Variants in ITGB8 observed in about 807,000 individuals in gnomAD.
ITGB8 encodes the protein integrin beta-8.
In ITGB8, 30 loss-of-function variants were observed where a neutral mutation model predicts 89.5. The ratio of observed to expected loss-of-function variants is 0.34; its 90% CI spans 0.25 to 0.45. The LOEUF is 0.45. ITGB8 is among the 20% of genes least tolerant of loss of function. The pLI, the probability that ITGB8 is intolerant of heterozygous loss-of-function variation, is 1.00. For synonymous variants in ITGB8, 335 were observed against 320.4 expected (o/e 1.05, Z -0.49); for missense variants, 836 against 933.3 (o/e 0.90, Z 1.36).
At chr7:20,365,003 A>G (rs936957516) in intron 2 of ITGB8, 6 of 152,214 alleles carry the variant, frequency 3.9e-5, no homozygotes, top group African/African-American at 1.4e-4. Context: ...AAGAGCCTTC[A>G]AAAGATAGTA....
At chr7:20,385,542 G>C (rs2127966623) in intron 6 of ITGB8, among the ~76,000 whole-genome samples, 1 of 152,274 alleles carries the variant, frequency 6.6e-6, no homozygotes, top group Non-Finnish European at 1.5e-5. Context: ...GAGTCGATCA[G>C]CATCTTATAG....
At chr7:20,345,973 A>G (rs970015645) in intron 1 of ITGB8, among the ~76,000 whole-genome samples, 2 of 152,174 alleles carry the variant, frequency 1.3e-5, no homozygotes, top group East Asian at 1.9e-4. Flanking sequence ...CAAGGAGGCA[A>G]CATTTTCTAA....
intron 5 of ITGB8, 168 bp downstream of exon 5, chr7:20,380,999 A>C (rs1392496041): frequency 5.3e-6 from 3 of 569,314 alleles, no homozygotes; most frequent in African/African-American, 1.9e-5. Context: ...TGTGTTTGGG[A>C]CAGAGGGGCT....
At chr7:20,388,480 G>A (rs914925530) in intron 6 of ITGB8, among the ~76,000 whole-genome samples, 9 of 152,048 alleles carry the variant, frequency 5.9e-5, no homozygotes, top group African/African-American at 2.2e-4. Flanking sequence ...TTAATCCACA[G>A]GTCTTCTGTC....
At chr7:20,381,937 A>G (rs753702724) in intron 6 of ITGB8, 52 bp downstream of exon 6, 25 of 1,477,584 alleles carry the variant, frequency 1.7e-5, no homozygotes, top group East Asian at 2.3e-5. Context: ...TTAAAGTACA[A>G]TTTTAAATTG....
chr7:20,334,451 G>A (rs1784510873), intron 1 of ITGB8, among the ~76,000 whole-genome samples: 1 of 151,940 alleles, frequency 6.6e-6, no homozygotes, highest in Admixed American at 6.6e-5. Flanking sequence ...TAAAAAAGCG[G>A]TAACTATTAT....
intron 1 of ITGB8, among the ~76,000 whole-genome samples, chr7:20,338,660 T>C (rs374667012): frequency 1.2e-3 from 183 of 152,014 alleles, no homozygotes; most frequent in African/African-American, 4.3e-3. Flanking sequence ...AACAAATAAA[T>C]ATTATTGAGC....
chr7:20,395,933 T>C (rs193168571), intron 8 of ITGB8, among the ~76,000 whole-genome samples: 67 of 152,370 alleles, frequency 4.4e-4, no homozygotes, highest in African/African-American at 1.6e-3. Context: ...TGTCAAAAGA[T>C]ATGCTTTATG....
intron 3 of ITGB8, 90 bp from the exon 4 acceptor site, chr7:20,378,961 C>A: frequency 2.3e-6 from 2 of 885,498 alleles, no homozygotes; most frequent in Non-Finnish European, 3.2e-6. Flanking sequence ...GATGATTGTG[C>A]TAGGTGCTAG....
Position 20,410,201 on chromosome 7 carries a change from C to G in ITGB8, c.*204C>G. 1 of 560,682 alleles carries G rather than the reference C, an allele frequency of 1.8e-6. No individual in the cohort carries two copies. Among genetic ancestry groups the G allele is most frequent in the Non-Finnish European group, 3.2e-6 (1 of 315,998 alleles). 34.7% of individuals were successfully genotyped at this position (560,682 alleles called of 1,614,324 possible). On this transcript the variant is annotated 3_prime_UTR_variant, in exon 14 of 14. Coordinates refer to ENST00000222573, the MANE Select transcript of ITGB8 (RefSeq NM_002214.3). ...CTTTTTCAGAGAAAAATGTGTCTTA[C>G]TACTGTTTGAGACTAGTGTCGTTGT...
chr7:20,397,228 CTTTT>C (rs11286671), intron 8 of ITGB8, among the ~76,000 whole-genome samples: 1 of 144,212 alleles, frequency 6.9e-6, no homozygotes, highest in Non-Finnish European at 1.5e-5. Flanking sequence ...CCTTTTCTTT[CTTTT>C]TTTTTTTTTT....
intron 1 of ITGB8, among the ~76,000 whole-genome samples, chr7:20,340,576 C>A (rs964954493): frequency 2.0e-5 from 3 of 152,116 alleles, no homozygotes; most frequent in Non-Finnish European, 4.4e-5. Context: ...CAAGATCTGC[C>A]GATAGTAAAT....
chr7:20,381,682 C>T, intron 5 of ITGB8, 45 bp from the exon 6 acceptor site: 1 of 1,466,744 alleles, frequency 6.8e-7, no homozygotes, highest in Non-Finnish European at 9.4e-7. Flanking sequence ...CCACAGTACA[C>T]ATCTGTGTTA....
intron 1 of ITGB8, 186 bp downstream of exon 1, chr7:20,332,119 C>T: frequency 7.9e-7 from 1 of 1,266,628 alleles, no homozygotes; most frequent in Non-Finnish European, 1.0e-6. Context: ...GCATTTCTGC[C>T]CTGGAGCGAC....
intron 1 of ITGB8, among the ~76,000 whole-genome samples, chr7:20,339,676 C>T (rs1241251968): frequency 6.6e-6 from 1 of 152,128 alleles, no homozygotes; most frequent in African/African-American, 2.4e-5. Flanking sequence ...CAGATATATA[C>T]TTTTAAGATG....
chr7:20,376,265 A>C (rs1358135468), intron 3 of ITGB8, among the ~76,000 whole-genome samples: 1 of 152,178 alleles, frequency 6.6e-6, no homozygotes, highest in African/African-American at 2.4e-5. Context: ...ACTGATGGGA[A>C]GTGGAGATTT....
At chr7:20,404,962 T>G in intron 11 of ITGB8, 109 bp downstream of exon 11, 1 of 886,788 alleles carries the variant, frequency 1.1e-6, no homozygotes, top group Non-Finnish European at 1.8e-6. Flanking sequence ...ACCACCATGC[T>G]AAAAAAGAAT....
At chr7:20,370,653 C>T (rs1432342669) in intron 3 of ITGB8, among the ~76,000 whole-genome samples, 1 of 151,188 alleles carries the variant, frequency 6.6e-6, no homozygotes, top group African/African-American at 2.4e-5. Flanking sequence ...CTCTGTCACC[C>T]AGGCTGGAAT....
chr7:20,362,210 T>G (rs1010454349), intron 1 of ITGB8, among the ~76,000 whole-genome samples: 5 of 152,164 alleles, frequency 3.3e-5, no homozygotes, highest in Non-Finnish European at 7.4e-5. Flanking sequence ...ATCTTGTATT[T>G]CCAGAATGTT....
Sources: gnomAD v4.1 joint callset for allele counts (sites outside exome capture counted in the v4.1 genomes callset) on GRCh38, gnomAD v4.1.1 for gene constraint, MANE v1.5 for transcripts, NCBI Gene and HGNC (gene_info 2026-07-23, HGNC 2026-07-21) for gene names.